Variants in PARP9 observed in about 807,000 individuals in gnomAD.
PARP9 encodes the protein poly(ADP-ribose) polymerase family member 9, also known as protein mono-ADP-ribosyltransferase PARP9.
In PARP9, 48 loss-of-function variants were observed where a neutral mutation model predicts 68.8. That is an observed-to-expected ratio of 0.70 (90% CI 0.55 to 0.89). The LOEUF (loss-of-function observed/expected upper bound fraction) is 0.89, where lower values mean the gene tolerates loss of function less well. Among genes scored for constraint, PARP9 ranks in the 40% least tolerant of loss-of-function variants. PARP9 has a pLI of 0.00. For missense variants in PARP9, 806 were observed against 969.3 expected (o/e 0.83, Z 2.24); for synonymous variants, 309 against 333.8 (o/e 0.93, Z 0.81).
chr3:122,556,748 C>G (rs2079712034), intron 3 of PARP9, among the ~76,000 whole-genome samples: 1 of 151,980 alleles, frequency 6.6e-6, no homozygotes, highest in Non-Finnish European at 1.5e-5. Flanking sequence ...TACTGGGAAA[C>G]AGTGTAGATC....
chr3:122,532,555 G>A (rs536071296), intron 10 of PARP9: 66 of 465,094 alleles, frequency 1.4e-4, no homozygotes, highest in Non-Finnish European at 1.8e-4. Flanking sequence ...GGGAACGTGA[G>A]AGTTGGGTAA....
chr3:122,553,285 A>G (rs1440107431), intron 4 of PARP9, among the ~76,000 whole-genome samples: 3 of 152,118 alleles, frequency 2.0e-5, no homozygotes, highest in Non-Finnish European at 4.4e-5. Flanking sequence ...TGTACTTTAG[A>G]TAACATCGTC....
In PARP9 at chr3:122,536,181, G is replaced by A. The variant is rs1418311143; in HGVS notation, c.2067C>T (p.Tyr689=). 10 of 1,613,994 alleles carry A rather than the reference G, an allele frequency of 6.2e-6. No homozygotes were observed. The highest frequency in any genetic ancestry group is 8.5e-6 in the Non-Finnish European group (10 of 1,180,016). The change falls in exon 10 of 11, where the codon TAC becomes TAT. Residue 689 remains tyrosine (Y), a synonymous_variant. Coordinates refer to ENST00000682323, the MANE Select transcript of PARP9 (RefSeq NM_001146105.2). ...ATTGACACCTACCGCAAGGTGTCGA[G>A]TACATTCTTTGAAAGCCAACTCTGC... ...VVCRVGFQRM[Y]STPCDPKYGA... is the part of the protein sequence containing the mutation.
In PARP9 at chr3:122,564,246, C is replaced by G; in HGVS notation, c.-91G>C. The G allele has an allele frequency of 2.8e-6, 2 of 707,376 alleles. No homozygotes were observed. Among genetic ancestry groups the G allele is most frequent in the Non-Finnish European group, 4.3e-6 (2 of 459,926 alleles). The allele number at this position is 707,376 out of a possible 1,614,324, so 43.8% of individuals were successfully genotyped here. A position where few individuals can be genotyped will look rare whatever the true frequency, so the allele number is the denominator to read the frequency against. On this transcript the variant is annotated splice_region_variant and 5_prime_UTR_variant, in exon 1 of 11. Coordinates refer to ENST00000682323, the MANE Select transcript of PARP9 (RefSeq NM_001146105.2). ...CCCAGAGGCACCGGACCTACTCACC[C>G]GGCAGGCCGCTCTCCTCGGTGCAGA...
rs546783947 is a variant in PARP9 at position 122,540,763 on chromosome 3, T to C, written c.1474A>G (p.Met492Val). The change falls in exon 8 of 11, where the codon ATG becomes GTG. Residue 492 changes from methionine (M) to valine (V), a missense_variant. Physicochemically the swap from Met to Val is conservative, Grantham distance 21 (BLOSUM62 1). Transcript: ENST00000682323. ...TGGATCCATGCGTGGGCCTCATACA[T>C]CTCTTCCACGTTGAATCCCATCAGA... Reference protein sequence around the residue: ...INLMGFNVEEMYEAHAWIQRI... With the variant: ...INLMGFNVEEVYEAHAWIQRI... 2.7e-5 allele frequency: 43 copies of C among 1,614,130 alleles called. No individual in the cohort carries two copies. In the East Asian group the frequency reaches 7.6e-4, roughly 28 times the overall value.
intron 1 of PARP9, among the ~76,000 whole-genome samples, chr3:122,560,454 T>C (rs2080103037): frequency 6.6e-6 from 1 of 152,188 alleles, no homozygotes; most frequent in South Asian, 2.1e-4. Flanking sequence ...TGGCTCGATC[T>C]TGGCTCACTG....
chr3:122,556,141 TAAAAAAAAAAAAAAAA>T lies in PARP9; in HGVS notation c.50-36_50-21del, dbSNP rs745677021. Reference sequence around the variant, plus strand: ...CAGTCTCTGGAAAAGAAGAGAAGATTAAAAAAAAAAAAAAAAAAAAAAAAAAAAAAAAGCACAGTTT... The same window carrying T: ...CAGTCTCTGGAAAAGAAGAGAAGATTAAAAAAAAAAAAAAAAGCACAGTTT... On this transcript the variant is annotated intron_variant, in intron 3 of 10. Transcript: ENST00000682323. 7.9e-4 allele frequency: 165 copies of T among 210,170 alleles called. 2 individuals carry two copies. The highest frequency in any genetic ancestry group is 3.2e-3 in the African/African-American group (68 of 21,210). The allele number at this position is 210,170 out of a possible 1,614,324, so 13.0% of individuals were successfully genotyped here.
chr3:122,532,555 G>C (rs536071296), intron 10 of PARP9: 4 of 465,212 alleles, frequency 8.6e-6, no homozygotes, highest in Middle Eastern at 1.1e-3. Context: ...GGGAACGTGA[G>C]AGTTGGGTAA....
Position 122,536,246 on chromosome 3 carries a change from GC to G in PARP9, c.2001del (p.Arg667SerfsTer57). The G allele has an allele frequency of 6.2e-7, 1 of 1,614,132 alleles. No individual in the cohort carries two copies. The highest frequency in any genetic ancestry group is 8.5e-7 in the Non-Finnish European group (1 of 1,180,016). ...EKLHRQPVSH[R>X]LFQQVPYQFC... ...AACTGGTATGGGACTTGCTGAAACAGCCTATGGCTCACAGGTTGCCTGTGCA... is the reference window on the plus strand; with the variant it reads ...AACTGGTATGGGACTTGCTGAAACAGCTATGGCTCACAGGTTGCCTGTGCA... On this transcript the variant is annotated frameshift_variant, in exon 10 of 11. Transcript: ENST00000682323. LOFTEE classifies it high-confidence loss of function.
At chr3:122,554,226 C>T (rs1299822622) in intron 4 of PARP9, among the ~76,000 whole-genome samples, 2 of 152,138 alleles carry the variant, frequency 1.3e-5, no homozygotes, top group African/African-American at 4.8e-5. Flanking sequence ...AGCTTCCCCT[C>T]CTGCCAATCA....
chr3:122,556,220 T>A (rs376289292), intron 3 of PARP9, 99 bp from the exon 4 acceptor site: 15 of 807,604 alleles, frequency 1.9e-5, no homozygotes, highest in African/African-American at 1.2e-4. Context: ...GGAGACTGTG[T>A]TTCCTATGTG....
chr3:122,564,202 G>A, intron 1 of PARP9, 43 bp downstream of exon 1: 1 of 530,034 alleles, frequency 1.9e-6, no homozygotes, highest in East Asian at 3.5e-5. Flanking sequence ...CGAGCCTGCA[G>A]GAGAGGGGAC....
At chr3:122,533,955 T>C (rs975861298) in intron 10 of PARP9, 18 of 985,334 alleles carry the variant, frequency 1.8e-5, no homozygotes, top group Middle Eastern at 1.0e-3. Context: ...GGTAGCAAGA[T>C]TGGTGTCTCC....
chr3:122,555,982 T>C lies in PARP9; in HGVS notation c.189A>G (p.Pro63=), dbSNP rs1387323813. The change falls in exon 4 of 11, where the codon CCA becomes CCG. Residue 63 remains proline (P), a synonymous_variant. Transcript: ENST00000682323. ...GAGATTTGCTGTTGCCTTCCTGAAC[T>C]GGAGAGACCAGGGTAGAGATACAGC... ...KFGCISTLVS[P]VQEGNSKSLQ... is the part of the protein sequence containing the mutation. 6.2e-7 allele frequency: 1 copy of C among 1,613,898 alleles called. No individual in the cohort carries two copies. Among genetic ancestry groups the C allele is most frequent in the African/African-American group, 1.3e-5 (1 of 74,944 alleles).
intron 1 of PARP9, among the ~76,000 whole-genome samples, chr3:122,561,308 AAGTT>A (rs941620530): frequency 2.0e-5 from 3 of 151,554 alleles, no homozygotes; most frequent in African/African-American, 7.3e-5. Context: ...AAAATACAAA[AAGTT>A]AGCTGGCCAT....
At chr3:122,549,327 T>A (rs2079008637) in intron 6 of PARP9, among the ~76,000 whole-genome samples, 1 of 152,192 alleles carries the variant, frequency 6.6e-6, no homozygotes, top group Non-Finnish European at 1.5e-5. Flanking sequence ...TATTAACTCA[T>A]TTCATCTTCA....
chr3:122,547,721 C>T (rs553875584), intron 6 of PARP9, among the ~76,000 whole-genome samples: 178 of 151,984 alleles, frequency 1.2e-3, no homozygotes, highest in South Asian at 1.9e-3. Flanking sequence ...GGCATGGTGG[C>T]GCATGCCTGT....
At chr3:122,533,878 T>C in intron 10 of PARP9, 1 of 985,502 alleles carries the variant, frequency 1.0e-6, no homozygotes, top group Non-Finnish European at 1.2e-6. Flanking sequence ...GAGAGTCCTA[T>C]AATTTGGAAT....
chr3:122,564,717 G>A (rs544866878), upstream of PARP9: 30 of 1,373,504 alleles, frequency 2.2e-5, no homozygotes, highest in South Asian at 2.3e-4. Context: ...GCGGGAGAAA[G>A]TATGTCACTG....
Sources: allele counts gnomAD v4.1 joint callset (sites outside exome capture counted in the v4.1 genomes callset), GRCh38; gene constraint gnomAD v4.1.1; transcripts MANE v1.5; gene names NCBI Gene and HGNC (gene_info 2026-07-23, HGNC 2026-07-21).